The following ADAMTSL1 variants were observed in gnomAD, a reference collection of about 807,000 sequenced individuals.
ADAMTSL1 encodes ADAMTS-like protein 1.
In ADAMTSL1, 126 loss-of-function variants were observed where a neutral mutation model predicts 201.8. The observed-to-expected ratio is 0.62, with a 90% CI of 0.54 to 0.72. The LOEUF (loss-of-function observed/expected upper bound fraction) is 0.72, where lower values mean the gene tolerates loss of function less well. Among genes scored for constraint, ADAMTSL1 ranks in the 30% least tolerant of loss-of-function variants. The pLI is 0.00. For missense variants in ADAMTSL1, 2,679 were observed against 2,277.8 expected (o/e 1.18, Z -3.59); for synonymous variants, 1,121 against 903.4 (o/e 1.24, Z -4.32).
Position 18,092,053 on chromosome 9 carries a change from C to T in ADAMTSL1, c.88-71809C>T, listed in dbSNP as rs1346205095. Among the ~76,000 whole-genome samples the T allele has an allele frequency of 3.3e-5, 5 of 152,198 alleles. No individual in the cohort carries two copies. The East Asian group carries it at 7.7e-4, about 23-fold the overall frequency. ...TGATATTTTTGTTCATCTGTAGATA[C>T]ATCTGGGATACTACATCCCCAAGCA... On this transcript the variant is annotated intron_variant, in intron 1 of 29. Transcript: ENST00000680146.
chr9:18,483,102 G>T (rs1336492298), intron 1 of ADAMTSL1, among the ~76,000 whole-genome samples: 5 of 152,140 alleles, frequency 3.3e-5, no homozygotes, highest in Admixed American at 6.5e-5. Flanking sequence ...CAGTTGACTG[G>T]TATCTCTTTG....
intron 2 of ADAMTSL1, among the ~76,000 whole-genome samples, chr9:18,300,154 A>C (rs1289553583): frequency 6.6e-6 from 1 of 152,198 alleles, no homozygotes; most frequent in East Asian, 1.9e-4. Flanking sequence ...ATAAAGACAC[A>C]TGCACATGTA....
intron 2 of ADAMTSL1, among the ~76,000 whole-genome samples, chr9:18,197,905 C>G (rs1829256210): frequency 6.6e-6 from 1 of 152,098 alleles, no homozygotes; most frequent in East Asian, 1.9e-4. Context: ...GGTACCAAAA[C>G]AGAGATATAG....
intron 1 of ADAMTSL1, among the ~76,000 whole-genome samples, chr9:17,976,684 C>G (rs1011154445): frequency 6.6e-6 from 1 of 151,740 alleles, no homozygotes; most frequent in Non-Finnish European, 1.5e-5. Context: ...CTTTCTCACT[C>G]TCTCTCTTGC....
At chr9:18,172,521 A>G (rs1041828884) in intron 2 of ADAMTSL1, among the ~76,000 whole-genome samples, 2 of 152,260 alleles carry the variant, frequency 1.3e-5, no homozygotes, top group Non-Finnish European at 2.9e-5. Flanking sequence ...AAGCACTCCT[A>G]TACTGCTGGT....
At chr9:18,789,133 C>A (rs1450912839) in intron 19 of ADAMTSL1, among the ~76,000 whole-genome samples, 1 of 152,168 alleles carries the variant, frequency 6.6e-6, no homozygotes, top group Non-Finnish European at 1.5e-5. Flanking sequence ...TTCCCCATGT[C>A]TTCACGACAT....
chr9:18,606,448 T>G (rs1825017077), intron 4 of ADAMTSL1, among the ~76,000 whole-genome samples: 1 of 152,146 alleles, frequency 6.6e-6, no homozygotes, highest in Admixed American at 6.6e-5. Context: ...AAACATTCCC[T>G]CAAAAACCAT....
chr9:18,487,991 G>A (rs995502485), intron 1 of ADAMTSL1, among the ~76,000 whole-genome samples: 4 of 152,102 alleles, frequency 2.6e-5, no homozygotes, highest in East Asian at 1.9e-4. Flanking sequence ...AAAAGGGTTC[G>A]TAATGGCATA....
intron 19 of ADAMTSL1, among the ~76,000 whole-genome samples, chr9:18,786,217 A>G (rs1385841423): frequency 6.6e-6 from 1 of 152,210 alleles, no homozygotes; most frequent in Non-Finnish European, 1.5e-5. Context: ...GGCTAAGTCT[A>G]AGGAATTTCA....
chr9:18,104,621 C>G (rs1186806083), intron 1 of ADAMTSL1, among the ~76,000 whole-genome samples: 1 of 152,076 alleles, frequency 6.6e-6, no homozygotes, highest in African/African-American at 2.4e-5. Context: ...GAGGGATGAA[C>G]AATTACCTGT....
At chr9:18,150,797 T>A (rs940703117) in intron 1 of ADAMTSL1, among the ~76,000 whole-genome samples, 1 of 151,832 alleles carries the variant, frequency 6.6e-6, no homozygotes, top group African/African-American at 2.4e-5. Context: ...TTTGCCTTAA[T>A]CAACAGGAAA....
chr9:18,725,782 TACA>T (rs1304639423), intron 15 of ADAMTSL1, among the ~76,000 whole-genome samples: 1 of 152,266 alleles, frequency 6.6e-6, no homozygotes, highest in Non-Finnish European at 1.5e-5. Context: ...AATGCTTTGC[TACA>T]TACACTTCCA....
At chr9:17,969,723 T>A (rs1009170448) in intron 1 of ADAMTSL1, among the ~76,000 whole-genome samples, 2 of 152,070 alleles carry the variant, frequency 1.3e-5, no homozygotes, top group Admixed American at 1.3e-4. Context: ...TAGAAAGTGT[T>A]CTTAGAGAGG....
At chr9:18,295,936 T>A (rs568326649) in intron 2 of ADAMTSL1, among the ~76,000 whole-genome samples, 8 of 152,338 alleles carry the variant, frequency 5.3e-5, no homozygotes, top group Admixed American at 3.3e-4. Context: ...TTAAGTGATA[T>A]TAAGTGATTA....
At chr9:18,120,274 G>C (rs1825441201) in intron 1 of ADAMTSL1, among the ~76,000 whole-genome samples, 1 of 152,208 alleles carries the variant, frequency 6.6e-6, no homozygotes, top group Non-Finnish European at 1.5e-5. Context: ...GCTTGGCCCA[G>C]AGTGAGTGAT....
At chr9:17,988,319 C>T (rs1301987362) in intron 1 of ADAMTSL1, among the ~76,000 whole-genome samples, 3 of 152,054 alleles carry the variant, frequency 2.0e-5, no homozygotes, top group Non-Finnish European at 4.4e-5. Flanking sequence ...GACCTTATTG[C>T]TGTAGTGACA....
At chr9:18,896,375 C>G (rs1325236161) in intron 26 of ADAMTSL1, among the ~76,000 whole-genome samples, 1 of 152,144 alleles carries the variant, frequency 6.6e-6, no homozygotes, top group Non-Finnish European at 1.5e-5. Flanking sequence ...GATTTCTCAG[C>G]AGAAACCTTG....
intron 2 of ADAMTSL1, among the ~76,000 whole-genome samples, chr9:18,196,845 C>T (rs532638147): frequency 6.6e-6 from 1 of 152,138 alleles, no homozygotes; most frequent in South Asian, 2.1e-4. Flanking sequence ...CTCTCTATTC[C>T]TGCCCTCAAC....
chr9:18,560,002 C>T (rs1375633622), intron 3 of ADAMTSL1, among the ~76,000 whole-genome samples: 1 of 152,120 alleles, frequency 6.6e-6, no homozygotes, highest in Non-Finnish European at 1.5e-5. Context: ...CCCTTTATTT[C>T]TTTCTCTTGC....
Sources: allele counts gnomAD v4.1 joint callset (sites outside exome capture counted in the v4.1 genomes callset), GRCh38; gene constraint gnomAD v4.1.1; transcripts MANE v1.5; gene names NCBI Gene and HGNC (gene_info 2026-07-23, HGNC 2026-07-21).